FBXL17: variants seen among roughly 807,000 people sequenced by gnomAD.
FBXL17 encodes the protein F-box and leucine rich repeat protein 17.
Under a neutral mutation model 66.2 loss-of-function variants are expected in FBXL17, and 22 were observed. That is an observed-to-expected ratio of 0.33 (90% CI 0.24 to 0.47). The LOEUF (loss-of-function observed/expected upper bound fraction) is 0.47. Ranked by LOEUF, FBXL17 falls within the 20% of genes least tolerant of loss-of-function variation. FBXL17 has a pLI of 1.00. For missense variants in FBXL17, 878 were observed against 948.2 expected (o/e 0.93, Z 0.97); for synonymous variants, 474 against 400.5 (o/e 1.18, Z -2.19).
intron 6 of FBXL17, among the ~76,000 whole-genome samples, chr5:108,166,748 A>C (rs904724235): frequency 6.6e-6 from 1 of 152,220 alleles, no homozygotes; most frequent in African/African-American, 2.4e-5. Flanking sequence ...GATTCTTGGA[A>C]TACATCAAGT....
intron 7 of FBXL17, among the ~76,000 whole-genome samples, chr5:107,929,059 AAC>A (rs1256988310): frequency 7.9e-5 from 12 of 152,192 alleles, no homozygotes; most frequent in South Asian, 2.1e-4. Flanking sequence ...GAGGGGAAAT[AAC>A]ACAAGGCAAT....
At position 108,322,272 on chromosome 5, in the gene FBXL17, G is replaced by T. The variant is rs888171962; in HGVS notation, c.1506+26127C>A. On this transcript the variant is annotated intron_variant, in intron 4 of 8. Coordinates refer to ENST00000542267, the MANE Select transcript of FBXL17 (RefSeq NM_001163315.3). ...TAATTTATTTAATTGCAAAACAGTG[G>T]CATATCCTAAGTGTCTAGCAATCAA... Among the ~76,000 whole-genome samples the T allele has an allele frequency of 7.9e-5, 12 of 151,808 alleles. 1 individual carries two copies. The South Asian group carries it at 1.0e-3, about 13-fold the overall frequency.
intron 6 of FBXL17, among the ~76,000 whole-genome samples, chr5:108,140,820 A>G (rs1187226859): frequency 6.6e-6 from 1 of 151,424 alleles, no homozygotes; most frequent in Non-Finnish European, 1.5e-5. Flanking sequence ...CAAACAAGAA[A>G]CTTCAGCCAT....
At chr5:108,054,517 A>T (rs1334352552) in intron 6 of FBXL17, among the ~76,000 whole-genome samples, 1 of 152,176 alleles carries the variant, frequency 6.6e-6, no homozygotes, top group African/African-American at 2.4e-5. Flanking sequence ...TGGAAGCTCC[A>T]ACTCCCTGTT....
At chr5:108,334,303 G>A (rs374970199) in intron 4 of FBXL17, among the ~76,000 whole-genome samples, 1 of 152,154 alleles carries the variant, frequency 6.6e-6, no homozygotes, top group Non-Finnish European at 1.5e-5. Context: ...TCAGTGATCA[G>A]GCAGGTGTTG....
chr5:107,936,615 C>T (rs1750916168), intron 7 of FBXL17, among the ~76,000 whole-genome samples: 1 of 151,986 alleles, frequency 6.6e-6, no homozygotes, highest in Non-Finnish European at 1.5e-5. Context: ...TACACAAAGG[C>T]CCCTATGTAG....
chr5:108,062,895 G>T (rs1471186711), intron 6 of FBXL17, among the ~76,000 whole-genome samples: 1 of 152,082 alleles, frequency 6.6e-6, no homozygotes, highest in Non-Finnish European at 1.5e-5. Context: ...AATAATATGG[G>T]TTCATAAAAG....
At chr5:108,097,170 G>A (rs1309145031) in intron 6 of FBXL17, among the ~76,000 whole-genome samples, 3 of 141,932 alleles carry the variant, frequency 2.1e-5, no homozygotes, top group Non-Finnish European at 4.4e-5. Context: ...AGTTTCACCT[G>A]TGTGTTCACA....
At chr5:107,942,925 T>C (rs1357758540) in intron 7 of FBXL17, among the ~76,000 whole-genome samples, 1 of 152,172 alleles carries the variant, frequency 6.6e-6, no homozygotes, top group African/African-American at 2.4e-5. Flanking sequence ...AAGTCACCAA[T>C]GTATTTCCTT....
chr5:107,869,364 C>T (rs774270377), intron 8 of FBXL17, among the ~76,000 whole-genome samples: 8 of 152,260 alleles, frequency 5.3e-5, no homozygotes, highest in Non-Finnish European at 8.8e-5. Context: ...CATATTCAAA[C>T]GGACCTTAAT....
chr5:108,334,505 G>C (rs1349425459), intron 4 of FBXL17, among the ~76,000 whole-genome samples: 1 of 152,160 alleles, frequency 6.6e-6, no homozygotes, highest in Non-Finnish European at 1.5e-5. Context: ...GCTGCCAACA[G>C]AATGTTCCCC....
chr5:108,260,661 T>C (rs895191428), intron 4 of FBXL17, among the ~76,000 whole-genome samples: 1 of 152,072 alleles, frequency 6.6e-6, no homozygotes, highest in African/African-American at 2.4e-5. Flanking sequence ...CAAGAGATTC[T>C]TGGAATTGCT....
intron 7 of FBXL17, among the ~76,000 whole-genome samples, chr5:107,937,011 C>T (rs1357022396): frequency 6.6e-6 from 1 of 151,376 alleles, no homozygotes; most frequent in Non-Finnish European, 1.5e-5. Flanking sequence ...CTGAAAGTAA[C>T]CATGGATTAA....
chr5:108,106,626 G>GA (rs929397728), intron 6 of FBXL17, among the ~76,000 whole-genome samples: 1 of 152,132 alleles, frequency 6.6e-6, no homozygotes, highest in Non-Finnish European at 1.5e-5. Flanking sequence ...TGTATTACAT[G>GA]AAAAAAGCCA....
chr5:108,106,850 GAATAT>G (rs1257068924), intron 6 of FBXL17, among the ~76,000 whole-genome samples: 1 of 151,976 alleles, frequency 6.6e-6, no homozygotes, highest in Admixed American at 6.6e-5. Context: ...ACTAAACTGT[GAATAT>G]ACTAAATATG....
chr5:108,324,824 A>G (rs1759776059), intron 4 of FBXL17, among the ~76,000 whole-genome samples: 1 of 152,244 alleles, frequency 6.6e-6, no homozygotes, highest in East Asian at 1.9e-4. Flanking sequence ...ATTCTAACAC[A>G]TGCTACAACA....
chr5:108,208,046 T>A lies in FBXL17; in HGVS notation c.1614+16075A>T, dbSNP rs570074085. Among the ~76,000 whole-genome samples, 4 of 152,344 alleles carry A rather than the reference T, an allele frequency of 2.6e-5. No homozygotes were observed. In the East Asian group the frequency reaches 7.7e-4, roughly 29 times the overall value. On this transcript the variant is annotated intron_variant, in intron 5 of 8. Coordinates refer to ENST00000542267, the MANE Select transcript of FBXL17 (RefSeq NM_001163315.3). Reference sequence around the variant, plus strand: ...AGGAGGTATCTCATTGTGGTTTTGATTTACATTTCTCTAATGACCAGTGAT... The same window carrying A: ...AGGAGGTATCTCATTGTGGTTTTGAATTACATTTCTCTAATGACCAGTGAT...
At chr5:108,056,460 T>C (rs766771131) in intron 6 of FBXL17, among the ~76,000 whole-genome samples, 1 of 152,178 alleles carries the variant, frequency 6.6e-6, no homozygotes, top group East Asian at 1.9e-4. Context: ...ATGTGCAAAA[T>C]AGAAAACCCT....
intron 7 of FBXL17, among the ~76,000 whole-genome samples, chr5:107,916,702 T>G (rs952168696): frequency 1.1e-4 from 17 of 152,200 alleles, no homozygotes; most frequent in Non-Finnish European, 2.2e-4. Flanking sequence ...TAAGCTGTCC[T>G]ACTTCCCATG....
Sources: allele counts gnomAD v4.1 joint callset (sites outside exome capture counted in the v4.1 genomes callset), GRCh38; gene constraint gnomAD v4.1.1; transcripts MANE v1.5; gene names NCBI Gene and HGNC (gene_info 2026-07-23, HGNC 2026-07-21).